The following SLC47A2 variants were observed in gnomAD, a reference collection of about 807,000 sequenced individuals.
SLC47A2 encodes the protein solute carrier family 47 member 2.
Under a neutral mutation model 67.7 loss-of-function variants are expected in SLC47A2, and 52 were observed. That is an observed-to-expected ratio of 0.77 (90% CI 0.61 to 0.97). The LOEUF (loss-of-function observed/expected upper bound fraction) is 0.97. Among genes scored for constraint, SLC47A2 ranks in the 50% least tolerant of loss-of-function variants. The pLI, the probability that SLC47A2 is intolerant of heterozygous loss-of-function variation, is 0.00. For synonymous variants in SLC47A2, 278 were observed against 292.9 expected (o/e 0.95, Z 0.52); for missense variants, 676 against 712.3 (o/e 0.95, Z 0.58).
chr17:19,688,516 CAA>C (rs1366224384), intron 13 of SLC47A2, among the ~76,000 whole-genome samples: 1 of 152,192 alleles, frequency 6.6e-6, no homozygotes, highest in African/African-American at 2.4e-5. Context: ...CTAGAGCAGA[CAA>C]GAGAAAGAAA....
chr17:19,699,305 A>G (rs1277136257), intron 13 of SLC47A2, among the ~76,000 whole-genome samples: 2 of 152,342 alleles, frequency 1.3e-5, no homozygotes, highest in African/African-American at 4.8e-5. Context: ...AGCAACATGC[A>G]AAAGTATAAA....
At chr17:19,687,272 A>T (rs559187640) in intron 13 of SLC47A2, among the ~76,000 whole-genome samples, 1 of 152,308 alleles carries the variant, frequency 6.6e-6, no homozygotes, top group East Asian at 1.9e-4. Flanking sequence ...ATCAAAACGT[A>T]TGTCATACAA....
chr17:19,704,082 C>T lies in SLC47A2; in HGVS notation c.1006G>A (p.Val336Met), dbSNP rs751597777. The T allele has an allele frequency of 3.0e-5, 49 of 1,608,694 alleles. No homozygotes were observed. The highest frequency in any genetic ancestry group is 5.3e-5 in the African/African-American group (4 of 74,820). The change falls in exon 11 of 17, where the codon GTG becomes ATG. Residue 336 changes from valine to methionine, a missense_variant. Val to Met is a conservative substitution (Grantham distance 21). Transcript: ENST00000433844. ...VQAKRSAVSG[V>M]LSIVGISLVL... is the part of the protein sequence containing the mutation. ...GGACTCCACCTACCTATGCTGAGCA[C>T]GCCCGAGACGGCCGAGCGCTTGGCC...
chr17:19,691,389 C>T (rs879674535), intron 13 of SLC47A2, among the ~76,000 whole-genome samples: 3 of 152,078 alleles, frequency 2.0e-5, no homozygotes, highest in Non-Finnish European at 2.9e-5. Flanking sequence ...AAATGTGGCA[C>T]GTATATACAA....
At position 19,689,243 on chromosome 17, in the gene SLC47A2, ACCC is replaced by A. The variant is rs141029047; in HGVS notation, c.1165-7576_1165-7574del. Among the ~76,000 whole-genome samples the A allele has an allele frequency of 3.0e-3, 453 of 152,024 alleles. 2 individuals carry two copies. Among genetic ancestry groups the A allele is most frequent in the African/African-American group, 9.3e-3 (386 of 41,442 alleles). On this transcript the variant is annotated intron_variant, in intron 13 of 16. Transcript: ENST00000433844. ...ATCTTATATTTGGAAAAACCTAAAG[ACCC>A]CCACCAAACAACTATTTGAACTGAT...
In SLC47A2 at chr17:19,712,447, T is replaced by C. The variant is rs117232127; in HGVS notation, c.486+256A>G. 1.3e-4 allele frequency among the ~76,000 whole-genome samples: 20 copies of C among 152,366 alleles called. No individual in the cohort carries two copies. In the East Asian group the frequency reaches 3.7e-3, roughly 28 times the overall value. The stretch of plus-strand genomic sequence containing the variant: ...ATGTTCTCTCTGGGTGGTAGAATTA[T>C]AGGTGATTTGAATTTTCTCTGCCTC... On this transcript the variant is annotated intron_variant, in intron 5 of 16. Coordinates refer to ENST00000433844, the MANE Select transcript of SLC47A2 (RefSeq NM_001099646.3).
At chr17:19,680,787 G>A (rs749341356) in intron 15 of SLC47A2, among the ~76,000 whole-genome samples, 8 of 152,124 alleles carry the variant, frequency 5.3e-5, no homozygotes, top group African/African-American at 1.4e-4. Context: ...AGTTCTTTGC[G>A]TTTGTTTGGT....
rs369423294 is a variant in SLC47A2 at position 19,680,055 on chromosome 17, C to A, written c.1393-16G>T. On this transcript the variant is annotated splice_polypyrimidine_tract_variant and intron_variant, in intron 15 of 16. Transcript: ENST00000433844. ...GTTTCTTAGCCTAAAGGAGAAAGAA[C>A]TCAATTGGGTCAACCTGCCAGCTCA... The A allele has an allele frequency of 6.2e-7, 1 of 1,612,286 alleles. No individual in the cohort carries two copies. The highest frequency in any genetic ancestry group is 1.7e-5 in the Admixed American group (1 of 59,630).
At chr17:19,700,434 C>T (rs2085757050) in intron 13 of SLC47A2, among the ~76,000 whole-genome samples, 1 of 152,198 alleles carries the variant, frequency 6.6e-6, no homozygotes, top group Non-Finnish European at 1.5e-5. Flanking sequence ...TAGAGAACTA[C>T]TGCCCCCTGG....
intron 9 of SLC47A2, 77 bp from the exon 10 acceptor site, chr17:19,705,580 C>T: frequency 7.2e-7 from 1 of 1,395,142 alleles, no homozygotes; most frequent in Non-Finnish European, 9.6e-7. Context: ...CGCTGCTTTG[C>T]TTTGGGGACT....
chr17:19,692,743 C>T (rs1316584263), intron 13 of SLC47A2, among the ~76,000 whole-genome samples: 1 of 152,118 alleles, frequency 6.6e-6, no homozygotes, highest in Non-Finnish European at 1.5e-5. Flanking sequence ...ATAAAAATTA[C>T]AAATGTTCCT....
At chr17:19,690,704 A>G (rs1446511658) in intron 13 of SLC47A2, among the ~76,000 whole-genome samples, 1 of 152,230 alleles carries the variant, frequency 6.6e-6, no homozygotes, top group East Asian at 1.9e-4. Flanking sequence ...GATGCCCAAC[A>G]TCACTGATCG....
Position 19,706,748 on chromosome 17 carries a change from C to G in SLC47A2, c.741G>C (p.Gln247His). ...AGAAGGGGCCCCAGTCCTGCAGGCACTGGCTGGACCAACCTGGAAACAGAG... is the reference window on the plus strand; with the variant it reads ...AGAAGGGGCCCCAGTCCTGCAGGCAGTGGCTGGACCAACCTGGAAACAGAG... ...HLETWAGWSS[Q>H]CLQDWGPFFS... Residue 247 changes from glutamine (Q) to histidine (H), a missense_variant, in exon 9 of 17, where the codon CAG (glutamine) becomes CAC (histidine). Physicochemically the swap from Gln to His is conservative, Grantham distance 24. Coordinates refer to ENST00000433844, the MANE Select transcript of SLC47A2 (RefSeq NM_001099646.3). The G allele has an allele frequency of 3.1e-6, 5 of 1,606,994 alleles. No individual in the cohort carries two copies. The highest frequency in any genetic ancestry group is 4.2e-6 in the Non-Finnish European group (5 of 1,178,372).
chr17:19,710,318 A>C (rs996741802), intron 5 of SLC47A2, among the ~76,000 whole-genome samples: 7 of 152,262 alleles, frequency 4.6e-5, no homozygotes, highest in Admixed American at 4.6e-4. Context: ...TTAACAAATT[A>C]ATGCAGAAAG....
intron 13 of SLC47A2, among the ~76,000 whole-genome samples, chr17:19,696,561 C>T (rs2152346079): frequency 6.6e-6 from 1 of 152,146 alleles, no homozygotes; most frequent in East Asian, 1.9e-4. Flanking sequence ...TCCAAGAAAC[C>T]CCTGAGGCTA....
At chr17:19,679,465 G>C (rs1194793427) in intron 16 of SLC47A2, among the ~76,000 whole-genome samples, 8 of 152,188 alleles carry the variant, frequency 5.3e-5, no homozygotes, top group Non-Finnish European at 1.2e-4. Context: ...TGCCTGATGG[G>C]GTGGAGAGAG....
At chr17:19,696,106 G>A (rs2085656937) in intron 13 of SLC47A2, among the ~76,000 whole-genome samples, 1 of 151,828 alleles carries the variant, frequency 6.6e-6, no homozygotes, top group East Asian at 1.9e-4. Context: ...ATCAAGTTAA[G>A]ATGGAGTCAT....
At position 19,715,230 on chromosome 17, in the gene SLC47A2, G is replaced by A. The variant is rs756835274; in HGVS notation, c.124-13C>T. The A allele has an allele frequency of 6.2e-6, 10 of 1,605,346 alleles. No individual in the cohort carries two copies. In the East Asian group the frequency reaches 6.7e-5, roughly 11 times the overall value. On this transcript the variant is annotated splice_polypyrimidine_tract_variant and intron_variant, in intron 1 of 16. Coordinates refer to ENST00000433844, the MANE Select transcript of SLC47A2 (RefSeq NM_001099646.3). ...CCTGGAACAGGAACTGGAGGACAGC[G>A]GCCAGGTCAGACTCGGGGCCACAGG...
Position 19,716,510 on chromosome 17 carries a change from AG to A in SLC47A2, c.45del (p.Cys16AlafsTer32). On this transcript the variant is annotated frameshift_variant, in exon 1 of 17. Coordinates refer to ENST00000433844, the MANE Select transcript of SLC47A2 (RefSeq NM_001099646.3). LOFTEE classifies it high-confidence loss of function. ...GGAACCAGCCTGCTGAGGGCAGGGC[AG>A]CAGCCCCCATGGTCCAGGGCCACTG... ...QDTVALDHGG[C>X]CPALSRLVPR... The A allele has an allele frequency of 1.9e-6, 3 of 1,612,420 alleles. No individual in the cohort carries two copies. The highest frequency in any genetic ancestry group is 2.5e-6 in the Non-Finnish European group (3 of 1,179,426).
Sources: allele counts gnomAD v4.1 joint callset (sites outside exome capture counted in the v4.1 genomes callset), GRCh38; gene constraint gnomAD v4.1.1; transcripts MANE v1.5; gene names NCBI Gene and HGNC (gene_info 2026-07-23, HGNC 2026-07-21).